Variants in DOCK9 observed in about 807,000 individuals in gnomAD.
The protein encoded by DOCK9 is dedicator of cytokinesis 9, also known as dedicator of cytokinesis protein 9.
In DOCK9, 89 loss-of-function variants were observed where a neutral mutation model predicts 263.3. The observed-to-expected ratio is 0.34, with a 90% confidence interval of 0.28 to 0.40. The LOEUF (loss-of-function observed/expected upper bound fraction) is 0.40, where lower values mean the gene tolerates loss of function less well. Among genes scored for constraint, DOCK9 ranks in the 10% least tolerant of loss-of-function variants. The pLI is 1.00. For synonymous variants in DOCK9, 976 were observed against 973.1 expected (o/e 1.00, Z -0.06); for missense variants, 2,140 against 2,603.4 (o/e 0.82, Z 3.87).
chr13:99,021,876 C>G (rs1886155940), intron 1 of DOCK9, among the ~76,000 whole-genome samples: 1 of 151,920 alleles, frequency 6.6e-6, no homozygotes, highest in Non-Finnish European at 1.5e-5. Flanking sequence ...GGGCTTAAAA[C>G]CTAGATGACG....
chr13:99,058,999 G>C (rs1323206701), intron 1 of DOCK9, among the ~76,000 whole-genome samples: 5 of 152,106 alleles, frequency 3.3e-5, no homozygotes, highest in Non-Finnish European at 7.4e-5. Context: ...CCTCCTGGAG[G>C]CTTCTTATCT....
At chr13:98,982,014 G>C (rs945198563), upstream of DOCK9, among the ~76,000 whole-genome samples, 3 of 152,142 alleles carry the variant, frequency 2.0e-5, no homozygotes, top group Non-Finnish European at 2.9e-5. Flanking sequence ...ACACCAGCTT[G>C]TTTAACCCAC....
chr13:98,927,761 C>G (rs940670369), intron 3 of DOCK9, among the ~76,000 whole-genome samples: 24 of 151,908 alleles, frequency 1.6e-4, no homozygotes, highest in African/African-American at 5.6e-4. Flanking sequence ...GCTGGGATTA[C>G]AGGCGAACAC....
At chr13:98,795,603 C>T (rs1326785645) in intron 52 of DOCK9, among the ~76,000 whole-genome samples, 12 of 152,138 alleles carry the variant, frequency 7.9e-5, no homozygotes, top group Non-Finnish European at 1.8e-4. Context: ...CTCTAGTGCC[C>T]AATGTCGGCA....
intron 1 of DOCK9, among the ~76,000 whole-genome samples, chr13:98,985,799 A>T (rs1342617087): frequency 1.9e-5 from 2 of 104,876 alleles, no homozygotes; most frequent in Non-Finnish European, 4.2e-5. Flanking sequence ...CTCAGCTTTG[A>T]GCGCTGGTGA....
At chr13:99,001,055 T>C (rs750996380) in intron 1 of DOCK9, among the ~76,000 whole-genome samples, 2 of 152,184 alleles carry the variant, frequency 1.3e-5, no homozygotes, top group Non-Finnish European at 2.9e-5. Context: ...CCTGGTGGCG[T>C]CAGCACTTAC....
intron 1 of DOCK9, among the ~76,000 whole-genome samples, chr13:99,011,548 C>T (rs1884477853): frequency 6.6e-6 from 1 of 152,226 alleles, no homozygotes; most frequent in East Asian, 1.9e-4. Context: ...TATTCCAGGG[C>T]TCCTCATAAA....
chr13:98,989,619 A>C (rs1430541860), intron 1 of DOCK9, among the ~76,000 whole-genome samples: 1 of 152,200 alleles, frequency 6.6e-6, no homozygotes, highest in Admixed American at 6.5e-5. Context: ...CTCTGCACAG[A>C]TATGACACAT....
At chr13:98,942,744 G>A (rs1229320832) in intron 2 of DOCK9, among the ~76,000 whole-genome samples, 1 of 152,122 alleles carries the variant, frequency 6.6e-6, no homozygotes, top group African/African-American at 2.4e-5. Context: ...AAACCTAGAT[G>A]GTATAGCCTA....
intron 15 of DOCK9, among the ~76,000 whole-genome samples, chr13:98,890,070 A>C (rs901303804): frequency 6.6e-6 from 1 of 152,186 alleles, no homozygotes; most frequent in Non-Finnish European, 1.5e-5. Flanking sequence ...TGTCTTGCTG[A>C]AATTTCATCG....
chr13:98,980,880 T>A (rs1210017059), upstream of DOCK9, among the ~76,000 whole-genome samples: 8 of 152,192 alleles, frequency 5.3e-5, no homozygotes, highest in Admixed American at 5.2e-4. Flanking sequence ...TTGAAGTTTT[T>A]CTATATTTTT....
chr13:98,915,396 T>C lies in DOCK9; in HGVS notation c.825A>G (p.Leu275=). ...CAAAGTTGAGCTGGAGGATCTTATT[T>C]AGAATTGTGATCCATTCTTCCATTT... ...EVEMEEWITI[L]NKILQLNFEA... is the part of the protein sequence containing the mutation. The change falls in exon 8 of 53, where the codon CTA becomes CTG. Residue 275 remains leucine, a synonymous_variant. Coordinates refer to ENST00000682017, the MANE Select transcript of DOCK9 (RefSeq NM_001366683.2). 1 of 1,614,022 alleles carries C rather than the reference T, an allele frequency of 6.2e-7. No homozygotes were observed. Among genetic ancestry groups the C allele is most frequent in the Non-Finnish European group, 8.5e-7 (1 of 1,179,892 alleles).
intron 1 of DOCK9, among the ~76,000 whole-genome samples, chr13:98,975,619 C>T (rs1329972054): frequency 6.6e-6 from 1 of 152,140 alleles, no homozygotes; most frequent in Non-Finnish European, 1.5e-5. Flanking sequence ...CCTACTGCTA[C>T]ACTATTTGCA....
At chr13:98,867,772 A>G (rs954515565) in intron 29 of DOCK9, among the ~76,000 whole-genome samples, 156 bp downstream of exon 29, 1 of 152,158 alleles carries the variant, frequency 6.6e-6, no homozygotes, top group African/African-American at 2.4e-5. Context: ...TCCTACTTCA[A>G]TGAAGGACTT....
intron 2 of DOCK9, among the ~76,000 whole-genome samples, chr13:98,930,680 T>G (rs2053771489): frequency 6.6e-6 from 1 of 152,206 alleles, no homozygotes; most frequent in Non-Finnish European, 1.5e-5. Flanking sequence ...AGTCTTGCTC[T>G]GTTGCCCAGG....
chr13:99,086,249 CAG>C lies in DOCK9; in HGVS notation c.101_102del (p.Ser34Ter). ...AGGAGCACGGAGCCGCGCACCACCT[CAG>C]ACACGCTCTGCCGCAGCTCGGCCGC... On this transcript the variant is annotated frameshift_variant, in exon 1 of 33. Coordinates refer to the DOCK9 transcript ENST00000427887. LOFTEE classifies it high-confidence loss of function. The C allele has an allele frequency of 6.7e-7, 1 of 1,503,138 alleles. No individual in the cohort carries two copies. The allele number at this position is 1,503,138 out of a possible 1,614,324, so 93.1% of individuals were successfully genotyped here.
intron 1 of DOCK9, among the ~76,000 whole-genome samples, chr13:99,083,301 G>A (rs1335388587): frequency 6.6e-6 from 1 of 151,706 alleles, no homozygotes; most frequent in Non-Finnish European, 1.5e-5. Context: ...AGCTAACCAT[G>A]TTTGACAAGG....
intron 38 of DOCK9, among the ~76,000 whole-genome samples, chr13:98,844,124 A>T (rs1228570821): frequency 2.0e-5 from 3 of 152,234 alleles, no homozygotes; most frequent in African/African-American, 7.2e-5. Context: ...AAAACTAAAA[A>T]TAACAAACTC....
At chr13:98,975,610 C>T (rs1281484644) in intron 1 of DOCK9, among the ~76,000 whole-genome samples, 1 of 151,974 alleles carries the variant, frequency 6.6e-6, no homozygotes, top group Non-Finnish European at 1.5e-5. Flanking sequence ...ACTGTCTTTC[C>T]TACTGCTACA....
Sources: gnomAD v4.1 joint callset for allele counts (sites outside exome capture counted in the v4.1 genomes callset) on GRCh38, gnomAD v4.1.1 for gene constraint, MANE v1.5 for transcripts, NCBI Gene and HGNC (gene_info 2026-07-23, HGNC 2026-07-21) for gene names.